Variants in GRM5 observed in about 807,000 individuals in gnomAD.
GRM5 encodes metabotropic glutamate receptor 5.
Under a neutral mutation model 83.1 loss-of-function variants are expected in GRM5, and 19 were observed. The ratio of observed to expected loss-of-function variants is 0.23; its 90% CI spans 0.16 to 0.34. GRM5 has a LOEUF of 0.34. GRM5 is among the 10% of genes least tolerant of loss of function. The probability of loss-of-function intolerance (pLI) is 1.00; values close to 1 mark genes in which losing one functional copy is unlikely to be tolerated. For missense variants in GRM5, 1,160 were observed against 1,588.3 expected (o/e 0.73, Z 4.58); for synonymous variants, 675 against 633.6 (o/e 1.07, Z -0.98).
intron 2 of GRM5, among the ~76,000 whole-genome samples, chr11:88,864,497 C>T (rs557303520): frequency 6.6e-6 from 1 of 152,076 alleles, no homozygotes; most frequent in African/African-American, 2.4e-5. Context: ...TGTAGGAATG[C>T]TTGTGATTTT....
At chr11:88,917,838 A>G (rs1480290263) in intron 2 of GRM5, among the ~76,000 whole-genome samples, 2 of 152,174 alleles carry the variant, frequency 1.3e-5, no homozygotes, top group Non-Finnish European at 2.9e-5. Context: ...GATTTATAAA[A>G]TAGCATGAAA....
chr11:88,663,578 T>C (rs1939960566), intron 3 of GRM5, among the ~76,000 whole-genome samples: 1 of 152,172 alleles, frequency 6.6e-6, no homozygotes, highest in Non-Finnish European at 1.5e-5. Context: ...CCTTGTCTGT[T>C]TTTTCATGAA....
At chr11:88,575,484 CTATT>C (rs371152736) in intron 7 of GRM5, among the ~76,000 whole-genome samples, 125 of 152,282 alleles carry the variant, frequency 8.2e-4, no homozygotes, top group Middle Eastern at 6.8e-3. Context: ...AGTCCTGAGT[CTATT>C]TAGTAGGAAA....
At chr11:88,574,098 G>A (rs959502650) in intron 7 of GRM5, among the ~76,000 whole-genome samples, 5 of 152,074 alleles carry the variant, frequency 3.3e-5, no homozygotes, top group African/African-American at 9.7e-5. Flanking sequence ...TATCATTAAG[G>A]TCTGTCTTCT....
At chr11:88,565,375 C>T (rs188505860) in intron 8 of GRM5, among the ~76,000 whole-genome samples, 18 of 152,326 alleles carry the variant, frequency 1.2e-4, no homozygotes, top group Admixed American at 9.8e-4. Context: ...AAACCCAAAA[C>T]AATCTGGCTA....
intron 2 of GRM5, among the ~76,000 whole-genome samples, chr11:88,884,058 G>A (rs1945003770): frequency 6.6e-6 from 1 of 152,060 alleles, no homozygotes; most frequent in Non-Finnish European, 1.5e-5. Context: ...GTGGAATTGT[G>A]AGAAGAAGGC....
intron 2 of GRM5, among the ~76,000 whole-genome samples, chr11:88,952,578 C>T (rs1590992112): frequency 6.6e-6 from 1 of 151,970 alleles, no homozygotes; most frequent in African/African-American, 2.4e-5. Flanking sequence ...CCGCCTACTA[C>T]CTCTTGTAAA....
At chr11:88,616,389 G>GTTTTTTTTTTTTTTTTTTTTTTTTTTTTT (rs68153026) in intron 4 of GRM5, among the ~76,000 whole-genome samples, 1 of 95,792 alleles carries the variant, frequency 1.0e-5, no homozygotes, top group Non-Finnish European at 2.1e-5. Flanking sequence ...GCTTTGGAGT[G>GTTTTTTTTTTTTTTTTTTTTTTTTTTTTT]TTTTTTTTTT....
chr11:88,814,743 G>T (rs976617024), intron 3 of GRM5, among the ~76,000 whole-genome samples: 4 of 152,106 alleles, frequency 2.6e-5, no homozygotes, highest in East Asian at 1.9e-4. Context: ...TATCTGAATT[G>T]CAATTTAAAC....
intron 3 of GRM5, among the ~76,000 whole-genome samples, chr11:88,837,377 A>C (rs1164944978): frequency 1.3e-5 from 2 of 152,216 alleles, no homozygotes; most frequent in Admixed American, 6.5e-5. Context: ...CTTCAGCTAT[A>C]AAATGAAGTT....
intron 2 of GRM5, among the ~76,000 whole-genome samples, chr11:88,916,848 A>G (rs1338173800): frequency 6.6e-6 from 1 of 151,998 alleles, no homozygotes; most frequent in Non-Finnish European, 1.5e-5. Flanking sequence ...ATCCATAAAG[A>G]CCCCAATACT....
chr11:88,551,897 C>G (rs948352182), intron 8 of GRM5, among the ~76,000 whole-genome samples: 2 of 152,166 alleles, frequency 1.3e-5, no homozygotes, highest in African/African-American at 4.8e-5. Flanking sequence ...GGTATTTTCA[C>G]TGTCAAAAGT....
rs185066149 is a variant in GRM5 at position 88,900,193 on chromosome 11, A to G, written c.662-50038T>C. 6.2e-4 allele frequency among the ~76,000 whole-genome samples: 95 copies of G among 152,276 alleles called. 2 individuals are homozygous for G. The highest frequency in any genetic ancestry group is 2.2e-3 in the African/African-American group (92 of 41,586). ...TGCAGAACTACACAGACTAGAGTGG[A>G]TAGTATTAAAAACTATATGTATAGT... On this transcript the variant is annotated intron_variant, in intron 2 of 9. Coordinates refer to ENST00000305447, the MANE Select transcript of GRM5 (RefSeq NM_001143831.3).
chr11:88,952,405 C>T (rs1176431791), intron 2 of GRM5, among the ~76,000 whole-genome samples: 2 of 152,312 alleles, frequency 1.3e-5, no homozygotes, highest in East Asian at 3.9e-4. Context: ...AGCCTGAAGG[C>T]TGCACAAGAG....
chr11:88,597,124 A>G (rs544749190), intron 6 of GRM5, 60 bp downstream of exon 6: 18 of 1,084,428 alleles, frequency 1.7e-5, no homozygotes, highest in African/African-American at 3.2e-5. Flanking sequence ...AAAATAGCCA[A>G]TGATAGTTAA....
intron 2 of GRM5, among the ~76,000 whole-genome samples, chr11:88,998,621 T>C (rs1460676936): frequency 6.6e-6 from 1 of 152,074 alleles, no homozygotes; most frequent in East Asian, 1.9e-4. Context: ...AAAACTAAGA[T>C]TAGAGATGAA....
intron 2 of GRM5, among the ~76,000 whole-genome samples, chr11:88,867,743 G>A (rs1460640266): frequency 6.6e-6 from 1 of 151,660 alleles, no homozygotes; most frequent in Non-Finnish European, 1.5e-5. Context: ...GGAGAAGATG[G>A]CATCTACAAG....
intron 2 of GRM5, among the ~76,000 whole-genome samples, chr11:88,947,321 T>C (rs1938312635): frequency 6.6e-6 from 1 of 152,116 alleles, no homozygotes; most frequent in Non-Finnish European, 1.5e-5. Context: ...TTTGCTGAGT[T>C]AACTCTGGTT....
intron 3 of GRM5, among the ~76,000 whole-genome samples, chr11:88,814,687 TATAAAG>T (rs1337160049): frequency 2.0e-5 from 3 of 152,142 alleles, no homozygotes; most frequent in Admixed American, 6.6e-5. Flanking sequence ...TGAAGAGATT[TATAAAG>T]ATAAAAAGAA....
Sources: allele counts gnomAD v4.1 joint callset (sites outside exome capture counted in the v4.1 genomes callset), GRCh38; gene constraint gnomAD v4.1.1; transcripts MANE v1.5; gene names NCBI Gene and HGNC (gene_info 2026-07-23, HGNC 2026-07-21).